Variants in HS6ST2 observed in about 807,000 individuals in gnomAD.
HS6ST2 encodes the protein heparan sulfate 6-O-sulfotransferase 2.
Under a neutral mutation model 33.0 loss-of-function variants are expected in HS6ST2, and 17 were observed. That is an observed-to-expected ratio of 0.52 (90% confidence interval 0.35 to 0.77). The LOEUF is 0.77. HS6ST2 is among the 30% of genes least tolerant of loss of function. HS6ST2 has a pLI of 0.01. For missense variants in HS6ST2, 519 were observed against 551.7 expected (o/e 0.94, Z 0.59); for synonymous variants, 248 against 237.1 (o/e 1.05, Z -0.42).
rs767356865 is a variant in HS6ST2, at chrX:132,830,065, A to G, written c.948-121571T>C. Among the ~76,000 whole-genome samples the G allele has an allele frequency of 1.6e-4, 18 of 111,814 alleles. No individual in the cohort carries two copies. The South Asian group carries it at 2.6e-3, about 16-fold the overall frequency. ...CTGGTGTTTTCTATGAAGTATGGTT[A>G]TATAATTTGCAAAACAAAATCAGGG... On this transcript the variant is annotated intron_variant, in intron 2 of 4. Coordinates refer to ENST00000370833, the MANE Select transcript of HS6ST2 (RefSeq NM_001394073.1).
At chrX:132,672,308 G>C (rs928642026) in intron 3 of HS6ST2, among the ~76,000 whole-genome samples, 1 of 106,437 alleles carries the variant, frequency 9.4e-6, no homozygotes, top group Admixed American at 1.0e-4. Flanking sequence ...GAGATTGGTG[G>C]GGGGGGGTGG....
intron 2 of HS6ST2, among the ~76,000 whole-genome samples, chrX:132,735,697 C>T (rs766488585): frequency 3.0e-4 from 34 of 111,707 alleles, no homozygotes; most frequent in African/African-American, 1.1e-3. Flanking sequence ...GGCTTTGGCC[C>T]GAGGACGCCA....
chrX:132,748,822 G>A (rs779104091), intron 2 of HS6ST2, among the ~76,000 whole-genome samples: 9 of 111,049 alleles, frequency 8.1e-5, no homozygotes, highest in African/African-American at 2.9e-4. Flanking sequence ...TGTTACTCAG[G>A]CTGGTCTTGA....
chrX:132,657,504 G>T (rs1453923478), intron 4 of HS6ST2, among the ~76,000 whole-genome samples: 1 of 110,589 alleles, frequency 9.0e-6, no homozygotes, highest in Non-Finnish European at 1.9e-5. Context: ...AGGGAAAGGG[G>T]TAAGAGTCTG....
At chrX:132,870,043 T>C (rs767173218) in intron 2 of HS6ST2, among the ~76,000 whole-genome samples, 58 of 111,511 alleles carry the variant, frequency 5.2e-4, no homozygotes, top group Non-Finnish European at 7.9e-4. Context: ...AAAATCTCCT[T>C]AAGCTAATAA....
chrX:132,803,355 A>G (rs2065253795), intron 2 of HS6ST2, among the ~76,000 whole-genome samples: 2 of 111,783 alleles, frequency 1.8e-5, no homozygotes, highest in South Asian at 7.6e-4. Context: ...AGGGCCCTAT[A>G]GAAGTTGACA....
At chrX:132,714,108 T>C (rs1295575007) in intron 2 of HS6ST2, among the ~76,000 whole-genome samples, 2 of 111,751 alleles carry the variant, frequency 1.8e-5, no homozygotes, top group Admixed American at 9.5e-5. Flanking sequence ...TTCCCTAGAA[T>C]GGACATTGCA....
At chrX:132,869,526 T>C (rs979578881) in intron 2 of HS6ST2, among the ~76,000 whole-genome samples, 1 of 112,021 alleles carries the variant, frequency 8.9e-6, no homozygotes, top group African/African-American at 3.2e-5. Flanking sequence ...AATGAAATAC[T>C]GGCAAACCGA....
intron 2 of HS6ST2, among the ~76,000 whole-genome samples, chrX:132,799,029 C>T (rs901261744): frequency 9.0e-6 from 1 of 111,728 alleles, no homozygotes; most frequent in African/African-American, 3.3e-5. Flanking sequence ...AGCATTATTC[C>T]ACTTTACAAA....
chrX:132,789,803 C>T (rs980747134), intron 2 of HS6ST2, among the ~76,000 whole-genome samples: 5 of 111,554 alleles, frequency 4.5e-5, no homozygotes, highest in African/African-American at 1.6e-4. Flanking sequence ...GAGGAAGTCA[C>T]TGCAGATGTG....
intron 3 of HS6ST2, among the ~76,000 whole-genome samples, chrX:132,692,907 C>T (rs1324817453): frequency 8.9e-6 from 1 of 112,024 alleles, no homozygotes; most frequent in Non-Finnish European, 1.9e-5. Flanking sequence ...CCCCCAACTC[C>T]TTTACACCCA....
intron 2 of HS6ST2, among the ~76,000 whole-genome samples, chrX:132,874,114 G>A (rs2066087911): frequency 9.0e-6 from 1 of 111,567 alleles, no homozygotes; most frequent in Non-Finnish European, 1.9e-5. Flanking sequence ...ATCAGAGAGG[G>A]CACTTCCAGA....
chrX:132,684,115 G>A (rs976700510), intron 3 of HS6ST2, among the ~76,000 whole-genome samples: 1 of 108,025 alleles, frequency 9.3e-6, no homozygotes, highest in Admixed American at 1.0e-4. Context: ...TAAAGAGAAG[G>A]TATCATTTTG....
At chrX:132,827,034 G>A (rs2065528200) in intron 2 of HS6ST2, among the ~76,000 whole-genome samples, 1 of 111,692 alleles carries the variant, frequency 9.0e-6, no homozygotes, top group Admixed American at 9.6e-5. Flanking sequence ...TGCAAGTGGG[G>A]AGGGTGGCAA....
At chrX:132,732,780 T>G (rs1240266077) in intron 2 of HS6ST2, among the ~76,000 whole-genome samples, 1 of 111,901 alleles carries the variant, frequency 8.9e-6, no homozygotes, top group Admixed American at 9.5e-5. Context: ...GTCTCGGCTA[T>G]GTCTTTATTA....
intron 2 of HS6ST2, among the ~76,000 whole-genome samples, chrX:132,916,618 G>A (rs1037873971): frequency 8.9e-6 from 1 of 112,181 alleles, no homozygotes; most frequent in Admixed American, 9.4e-5. Flanking sequence ...GGAAGAAGAA[G>A]GTGGAATTAG....
chrX:132,771,363 C>A (rs1287233544), intron 2 of HS6ST2, among the ~76,000 whole-genome samples: 1 of 111,667 alleles, frequency 9.0e-6, no homozygotes, highest in Non-Finnish European at 1.9e-5. Context: ...TGAAAAATAT[C>A]TTACTGAATG....
chrX:132,814,118 GT>G (rs1432736364), intron 2 of HS6ST2, among the ~76,000 whole-genome samples: 1 of 110,521 alleles, frequency 9.0e-6, no homozygotes, highest in African/African-American at 3.3e-5. Flanking sequence ...TAATTTTTTT[GT>G]ATTTTTAGTA....
chrX:132,851,538 T>A (rs989266552), intron 2 of HS6ST2, among the ~76,000 whole-genome samples: 5 of 112,483 alleles, frequency 4.4e-5, no homozygotes, highest in African/African-American at 1.6e-4. Flanking sequence ...AGAACTTAAT[T>A]GGCATTACTG....
Sources: gnomAD v4.1 joint callset for allele counts (sites outside exome capture counted in the v4.1 genomes callset) on GRCh38, gnomAD v4.1.1 for gene constraint, MANE v1.5 for transcripts, NCBI Gene and HGNC (gene_info 2026-07-23, HGNC 2026-07-21) for gene names.